IFT140: variants seen among roughly 807,000 people sequenced by gnomAD.
IFT140 encodes the protein intraflagellar transport 140, also known as intraflagellar transport protein 140 homolog.
In IFT140, 133 loss-of-function variants were observed where a neutral mutation model predicts 164.6. That is an observed-to-expected ratio of 0.81 (90% CI 0.70 to 0.93). The LOEUF (loss-of-function observed/expected upper bound fraction) is 0.93. IFT140 is among the 40% of genes least tolerant of loss of function. IFT140 has a pLI of 0.00. For missense variants in IFT140, 2,045 were observed against 1,972.3 expected (o/e 1.04, Z -0.70); for synonymous variants, 860 against 817.3 (o/e 1.05, Z -0.89).
At chr16:1,525,129 G>A (rs569093908) in intron 22 of IFT140, 102 bp downstream of exon 22, 54 of 1,208,468 alleles carry the variant, frequency 4.5e-5, no homozygotes, top group Admixed American at 1.0e-4. Context: ...CTGCCCACTC[G>A]TGCAGGAAGC....
chr16:1,595,883 T>C (rs966255623), intron 4 of IFT140, among the ~76,000 whole-genome samples: 1 of 152,060 alleles, frequency 6.6e-6, no homozygotes, highest in African/African-American at 2.4e-5. Context: ...CGAAATCCTG[T>C]CTCTACTAAA....
rs1195609464 is a variant in IFT140 at position 1,510,985 on chromosome 16, G to A, written c.4348C>T (p.Leu1450=). 8.1e-6 allele frequency: 13 copies of A among 1,611,910 alleles called. No homozygotes were observed. Among genetic ancestry groups the A allele is most frequent in the Non-Finnish European group, 1.1e-5 (13 of 1,179,210 alleles). The change falls in exon 31 of 31, where the codon CTG becomes TTG. Residue 1450 remains leucine (L), a synonymous_variant. Coordinates refer to ENST00000426508, the MANE Select transcript of IFT140 (RefSeq NM_014714.4). Reference sequence around the variant, plus strand: ...GCCTCTTCCACCACCTCCTCGTCCAGCTCCCTGGCGTCCTCCATGCTGTTG... The same window carrying A: ...GCCTCTTCCACCACCTCCTCGTCCAACTCCCTGGCGTCCTCCATGCTGTTG... ...RHNSMEDARE[L]DEEVVEEADD...
At chr16:1,515,909 G>A (rs912198406) in intron 30 of IFT140, among the ~76,000 whole-genome samples, 3 of 152,062 alleles carry the variant, frequency 2.0e-5, no homozygotes, top group Admixed American at 1.3e-4. Flanking sequence ...GGGAGGCCGA[G>A]GCAGGCAGAT....
At chr16:1,592,421 C>A in intron 5 of IFT140, 46 bp downstream of exon 5, 1 of 1,611,474 alleles carries the variant, frequency 6.2e-7, no homozygotes, top group Non-Finnish European at 8.5e-7. Context: ...CCCACCTCCC[C>A]CGATGTAAAC....
intron 7 of IFT140, among the ~76,000 whole-genome samples, chr16:1,588,893 G>C (rs1481267668): frequency 6.6e-6 from 1 of 152,024 alleles, no homozygotes; most frequent in Non-Finnish European, 1.5e-5. Context: ...GGCCGTGGAA[G>C]GAGACACCAG....
At chr16:1,560,110 A>C (rs1812341992) in intron 18 of IFT140, among the ~76,000 whole-genome samples, 1 of 152,238 alleles carries the variant, frequency 6.6e-6, no homozygotes, top group Non-Finnish European at 1.5e-5. Context: ...GCACATAAGA[A>C]ACGTAAAGCC....
chr16:1,556,464 G>A (rs1295996907), intron 19 of IFT140, among the ~76,000 whole-genome samples: 1 of 152,254 alleles, frequency 6.6e-6, no homozygotes, highest in Non-Finnish European at 1.5e-5. Flanking sequence ...CTGCTGTGAC[G>A]TGTACGGTCG....
chr16:1,578,134 T>C (rs912534723), intron 13 of IFT140: 7 of 151,956 alleles, frequency 4.6e-5, no homozygotes, highest in Non-Finnish European at 8.8e-5. Context: ...GCCATGCGGC[T>C]CCTCCCCATG....
chr16:1,598,515 G>A (rs2035579723), intron 4 of IFT140, among the ~76,000 whole-genome samples: 1 of 152,122 alleles, frequency 6.6e-6, no homozygotes, highest in Admixed American at 6.5e-5. Context: ...TTGATAGCAA[G>A]AGAAACATAA....
Position 1,553,999 on chromosome 16 carries a change from A to C in IFT140, c.2399+3936T>G, listed in dbSNP as rs1311517771. 7.8e-7 allele frequency: 1 copy of C among 1,287,106 alleles called. No individual in the cohort carries two copies. Among genetic ancestry groups the C allele is most frequent in the Non-Finnish European group, 1.0e-6 (1 of 988,708 alleles). 79.7% of individuals were successfully genotyped at this position (1,287,106 alleles called of 1,614,324 possible). A position where few individuals can be genotyped will look rare whatever the true frequency, so the allele number is the denominator to read the frequency against. ...AGACGGGAACAAGCTGCGCCAACCA[A>C]GGGTTGCTCACGGCCCACCTCTCCT... is the stretch of plus-strand genomic sequence containing the variant. On this transcript the variant is annotated intron_variant, in intron 19 of 30. Coordinates refer to ENST00000426508, the MANE Select transcript of IFT140 (RefSeq NM_014714.4). This position sits in a 1 kb window ranked among gnomAD's most constrained non-coding sequence, Gnocchi z 4.4.
At chr16:1,560,377 TCG>T (rs1198416893) in intron 18 of IFT140, among the ~76,000 whole-genome samples, 1 of 152,234 alleles carries the variant, frequency 6.6e-6, no homozygotes, top group Non-Finnish European at 1.5e-5. Flanking sequence ...GCACCCAGGT[TCG>T]CGTTTGTGTG....
At chr16:1,609,718 C>T (rs893595106) in intron 2 of IFT140, among the ~76,000 whole-genome samples, 7 of 152,168 alleles carry the variant, frequency 4.6e-5, no homozygotes, top group Non-Finnish European at 8.8e-5. Context: ...TTTCAACGGC[C>T]TCTTAACAAG....
intron 30 of IFT140, 88 bp downstream of exon 30, chr16:1,518,126 CCA>C (rs758078197): frequency 1.5e-6 from 2 of 1,353,030 alleles, no homozygotes; most frequent in Non-Finnish European, 2.0e-6. Context: ...GAGTGAGCCG[CCA>C]CACACAGCCT....
chr16:1,553,900 G>GTTT lies in IFT140; in HGVS notation c.2399+4034_2399+4035insAAA. The GTTT allele has an allele frequency of 7.9e-7, 1 of 1,271,662 alleles. No homozygotes were observed. The highest frequency in any genetic ancestry group is 1.0e-6 in the Non-Finnish European group (1 of 978,522). The allele number at this position is 1,271,662 out of a possible 1,614,324, so 78.8% of individuals were successfully genotyped here. On this transcript the variant is annotated intron_variant, in intron 19 of 30. Coordinates refer to ENST00000426508, the MANE Select transcript of IFT140 (RefSeq NM_014714.4). This position sits in a 1 kb window ranked among gnomAD's most constrained non-coding sequence, Gnocchi z 4.4. ...GTCACGAAACCCTGATTTTCCTGTTGTAAGAACTAAAAAGGTCTTTGGAGC... is the reference window on the plus strand; with the variant it reads ...GTCACGAAACCCTGATTTTCCTGTTGTTTTAAGAACTAAAAAGGTCTTTGGAGC...
intron 6 of IFT140, 79 bp downstream of exon 6, chr16:1,592,084 TCTATGCAGAAACG>T: frequency 1.4e-6 from 2 of 1,385,274 alleles, no homozygotes; most frequent in Non-Finnish European, 2.0e-6. Context: ...CCGTTACTGT[TCTATGCAGAAACG>T]CCATCTGTGA....
intron 13 of IFT140, chr16:1,580,407 G>A (rs906196207): frequency 5.4e-6 from 1 of 186,298 alleles, no homozygotes; most frequent in Non-Finnish European, 1.1e-5. Context: ...GTTTCCTAGT[G>A]TGTTCTGTGA....
chr16:1,605,606 G>A (rs765666119), intron 3 of IFT140, among the ~76,000 whole-genome samples: 32 of 151,994 alleles, frequency 2.1e-4, no homozygotes, highest in East Asian at 9.7e-4. Context: ...GGGTTTCACC[G>A]TGTTAGCCAG....
intron 30 of IFT140, 125 bp downstream of exon 30, chr16:1,518,091 G>T (rs762553004): frequency 1.1e-6 from 1 of 903,322 alleles, no homozygotes; most frequent in Non-Finnish European, 1.7e-6. Flanking sequence ...TCCTGCCTCA[G>T]CCTCCCAAAG....
At position 1,571,839 on chromosome 16, in the gene IFT140, G is replaced by A. The variant is rs558466946; in HGVS notation, c.1525-305C>T. On this transcript the variant is annotated intron_variant, in intron 13 of 30. Transcript: ENST00000426508. ...GTGCGGTCGACAAACAAATACATAT[G>A]TAATCTCAGCTGAGTAAGTGCCATG... 1.4e-4 allele frequency among the ~76,000 whole-genome samples: 22 copies of A among 152,306 alleles called. No homozygotes were observed. The South Asian group carries it at 4.1e-3, about 29-fold the overall frequency.
Sources: gnomAD v4.1 joint callset for allele counts (sites outside exome capture counted in the v4.1 genomes callset) on GRCh38, gnomAD v4.1.1 for gene constraint, Gnocchi (gnomAD v3.1) non-coding constraint, MANE v1.5 for transcripts, NCBI Gene and HGNC (gene_info 2026-07-23, HGNC 2026-07-21) for gene names.